PLA2G4E: variants seen among roughly 807,000 people sequenced by gnomAD.
PLA2G4E encodes cytosolic phospholipase A2 epsilon.
In PLA2G4E, 84 loss-of-function variants were observed where a neutral mutation model predicts 109.1. The ratio of observed to expected loss-of-function variants is 0.77; its 90% CI spans 0.65 to 0.92. The LOEUF is 0.92. Among genes scored for constraint, PLA2G4E ranks in the 40% least tolerant of loss-of-function variants. PLA2G4E has a pLI of 0.00. For missense variants in PLA2G4E, 1,057 were observed against 1,076.6 expected, an observed-to-expected ratio of 0.98 and a Z score of 0.25; for synonymous variants, 469 against 436.1, an observed-to-expected ratio of 1.08 and a Z score of -0.94.
chr15:42,039,016 T>C (rs12901016), intron 1 of PLA2G4E, among the ~76,000 whole-genome samples: 20,320 of 152,214 alleles, frequency 0.13, 1,894 homozygotes, highest in Admixed American at 0.25. Context: ...TTTTCCTTAT[T>C]ATTAGGGATC....
At chr15:41,999,975 C>A (rs371165970) in exon 9 of PLA2G4E, 3 of 1,610,350 alleles carry the variant, frequency 1.9e-6, no homozygotes, top group Non-Finnish European at 2.5e-6. Context: ...GCTGATGGGG[C>A]CCTTCTTGCG....
chr15:42,007,191 T>A (rs1258374626), intron 3 of PLA2G4E, among the ~76,000 whole-genome samples: 1 of 152,152 alleles, frequency 6.6e-6, no homozygotes, highest in African/African-American at 2.4e-5. Context: ...CTGTCACAAC[T>A]CAGGATGCTC....
chr15:41,984,536 G>A, exon 19 of PLA2G4E: 1 of 1,613,930 alleles, frequency 6.2e-7, no homozygotes, highest in African/African-American at 1.3e-5. Context: ...AGCATTCCTT[G>A]AGATTTTCAT....
intron 2 of PLA2G4E, among the ~76,000 whole-genome samples, chr15:42,009,308 G>A (rs1156537141): frequency 6.6e-6 from 1 of 152,162 alleles, no homozygotes; most frequent in Non-Finnish European, 1.5e-5. Context: ...CTCACATTCA[G>A]TTGATTTAAC....
At chr15:42,039,826 T>C (rs985285780) in intron 1 of PLA2G4E, among the ~76,000 whole-genome samples, 1 of 152,170 alleles carries the variant, frequency 6.6e-6, no homozygotes, top group Admixed American at 6.5e-5. Context: ...ACATACCTTG[T>C]TCTTAAATGG....
chr15:41,989,382 C>T (rs2068201862), intron 15 of PLA2G4E, 33 bp downstream of exon 15: 1 of 1,613,062 alleles, frequency 6.2e-7, no homozygotes, highest in Non-Finnish European at 8.5e-7. Context: ...GGGCAGCAGC[C>T]CCCTGTCATT....
At chr15:42,049,264 G>A (rs1017739570) in intron 1 of PLA2G4E, among the ~76,000 whole-genome samples, 2 of 152,194 alleles carry the variant, frequency 1.3e-5, no homozygotes, top group Non-Finnish European at 2.9e-5. Context: ...GCAGAGGCCC[G>A]AGCCTCCAGT....
At chr15:42,005,073 C>T in intron 4 of PLA2G4E, 95 bp from the exon 5 acceptor site, 1 of 1,438,610 alleles carries the variant, frequency 7.0e-7, no homozygotes, top group Non-Finnish European at 9.6e-7. Context: ...TGTGGACCTG[C>T]CTCCGTCCTT....
chr15:42,012,431 G>C (rs758981020), intron 2 of PLA2G4E, among the ~76,000 whole-genome samples: 99 of 152,262 alleles, frequency 6.5e-4, no homozygotes, highest in Admixed American at 2.9e-3. Context: ...TTAACCTCTT[G>C]TTGCAAAATG....
intron 1 of PLA2G4E, among the ~76,000 whole-genome samples, chr15:42,048,724 C>T (rs1156845670): frequency 6.6e-6 from 1 of 152,178 alleles, no homozygotes; most frequent in Non-Finnish European, 1.5e-5. Flanking sequence ...CATCATTTTC[C>T]CCATAGAGGG....
chr15:42,050,343 G>A (rs752131844), intron 1 of PLA2G4E, among the ~76,000 whole-genome samples: 6 of 152,222 alleles, frequency 3.9e-5, no homozygotes, highest in Admixed American at 6.5e-5. Context: ...TGAGCACAGA[G>A]GGAGGTAAGG....
chr15:42,031,259 GCA>G (rs1298744904), intron 1 of PLA2G4E, among the ~76,000 whole-genome samples: 1 of 152,120 alleles, frequency 6.6e-6, no homozygotes, highest in Non-Finnish European at 1.5e-5. Flanking sequence ...ATGAGCCACC[GCA>G]CACAGTCACA....
intron 1 of PLA2G4E, among the ~76,000 whole-genome samples, chr15:42,020,602 G>A (rs372573797): frequency 6.7e-6 from 1 of 148,748 alleles, no homozygotes; most frequent in Non-Finnish European, 1.5e-5. Context: ...CATTAGGGCA[G>A]GCCAAATGTG....
chr15:42,023,787 C>T (rs2141067250), intron 1 of PLA2G4E, among the ~76,000 whole-genome samples: 1 of 152,290 alleles, frequency 6.6e-6, no homozygotes, highest in African/African-American at 2.4e-5. Context: ...ACCCCCACTC[C>T]AACTCGTATG....
intron 14 of PLA2G4E, 64 bp from the exon 15 acceptor site, chr15:41,989,616 C>T (rs1257336153): frequency 3.9e-6 from 6 of 1,544,286 alleles, no homozygotes; most frequent in Admixed American, 1.9e-5. Context: ...ACAGCCGGGC[C>T]CCCCTCCTGC....
chr15:41,987,446 A>G, intron 16 of PLA2G4E, 71 bp from the exon 17 acceptor site: 1 of 1,464,834 alleles, frequency 6.8e-7, no homozygotes, highest in Non-Finnish European at 9.4e-7. Flanking sequence ...GCGAAGCCCC[A>G]CATGGTTGCC....
intron 10 of PLA2G4E, 89 bp from the exon 11 acceptor site, chr15:41,997,348 A>G: frequency 7.4e-7 from 1 of 1,352,944 alleles, no homozygotes; most frequent in Non-Finnish European, 9.7e-7. Context: ...CCTAGGCTCA[A>G]AGCCTACTTC....
At chr15:41,997,522 T>G in intron 10 of PLA2G4E, 1 of 289,242 alleles carries the variant, frequency 3.5e-6, no homozygotes. Flanking sequence ...CAACAAAAGA[T>G]AACTGTTGGC....
intron 1 of PLA2G4E, among the ~76,000 whole-genome samples, chr15:42,014,017 A>G (rs1038659351): frequency 5.4e-5 from 8 of 147,702 alleles, no homozygotes; most frequent in African/African-American, 2.0e-4. Flanking sequence ...TCAGCCTCCC[A>G]TGTAGCTGGG....
Sources: allele counts gnomAD v4.1 joint callset (sites outside exome capture counted in the v4.1 genomes callset), GRCh38; gene constraint gnomAD v4.1.1; transcripts MANE v1.5; gene names NCBI Gene and HGNC (gene_info 2026-07-23, HGNC 2026-07-21).